SDK1: variants seen among roughly 807,000 people sequenced by gnomAD.
SDK1 encodes sidekick cell adhesion molecule 1.
In SDK1, 157 loss-of-function variants were observed where a neutral mutation model predicts 245.5. The observed-to-expected ratio is 0.64, with a 90% CI of 0.56 to 0.73. The LOEUF (loss-of-function observed/expected upper bound fraction) is 0.73. Ranked by LOEUF, SDK1 falls within the 30% of genes least tolerant of loss-of-function variation. The pLI is 0.00. For missense variants in SDK1, 3,583 were observed against 3,002.3 expected (o/e 1.19, Z -4.52); for synonymous variants, 1,647 against 1,278.5 (o/e 1.29, Z -6.15).
chr7:4,150,872 C>T (rs1224871032), intron 30 of SDK1, among the ~76,000 whole-genome samples: 2 of 152,204 alleles, frequency 1.3e-5, no homozygotes, highest in Non-Finnish European at 2.9e-5. Flanking sequence ...AGCACTTGCC[C>T]AGGGAGGGGT....
chr7:4,101,188 A>G (rs917887789), intron 22 of SDK1, among the ~76,000 whole-genome samples: 24 of 147,186 alleles, frequency 1.6e-4, no homozygotes, highest in Middle Eastern at 3.5e-3. Flanking sequence ...TCGCTCTGTC[A>G]CCCAGGCTGG....
chr7:3,756,969 C>T (rs1267320643), intron 4 of SDK1, among the ~76,000 whole-genome samples: 1 of 152,094 alleles, frequency 6.6e-6, no homozygotes, highest in Non-Finnish European at 1.5e-5. Flanking sequence ...TATAAAGTTA[C>T]CATTTTTTTT....
chr7:3,334,140 G>A (rs971482234), intron 1 of SDK1, among the ~76,000 whole-genome samples: 2 of 152,190 alleles, frequency 1.3e-5, no homozygotes, highest in African/African-American at 4.8e-5. Flanking sequence ...ACCCCAATGT[G>A]GTTTTTCAGC....
intron 4 of SDK1, among the ~76,000 whole-genome samples, chr7:3,803,315 C>CTT (rs60469408): frequency 0.018 from 2,103 of 119,832 alleles, 45 homozygotes; most frequent in African/African-American, 0.054. Flanking sequence ...TTCTTTCTTT[C>CTT]TTTTTTTTTT....
chr7:3,949,849 G>A (rs1780728428), intron 5 of SDK1, among the ~76,000 whole-genome samples: 2 of 152,138 alleles, frequency 1.3e-5, no homozygotes, highest in Non-Finnish European at 2.9e-5. Flanking sequence ...AAGGAAAAAA[G>A]GATTGAAACT....
At chr7:3,903,163 GAGAC>G (rs1203480619) in intron 5 of SDK1, among the ~76,000 whole-genome samples, 2 of 87,796 alleles carry the variant, frequency 2.3e-5, no homozygotes, top group African/African-American at 4.9e-5. Flanking sequence ...TTTTTTTTTT[GAGAC>G]AGACGAGACT....
At chr7:3,450,881 G>A (rs1195708494) in intron 1 of SDK1, among the ~76,000 whole-genome samples, 3 of 152,166 alleles carry the variant, frequency 2.0e-5, no homozygotes, top group Non-Finnish European at 2.9e-5. Context: ...GAGAAGGAAT[G>A]GCAGGAGACA....
At chr7:3,817,728 C>G (rs993007360) in intron 4 of SDK1, among the ~76,000 whole-genome samples, 1 of 152,170 alleles carries the variant, frequency 6.6e-6, no homozygotes, top group African/African-American at 2.4e-5. Flanking sequence ...GCCATCATCT[C>G]AATGCAGGTG....
At chr7:3,771,183 T>A (rs147245528) in intron 4 of SDK1, among the ~76,000 whole-genome samples, 1 of 152,100 alleles carries the variant, frequency 6.6e-6, no homozygotes, top group Non-Finnish European at 1.5e-5. Context: ...CTCTCTGTGG[T>A]CTCTGATTCT....
chr7:3,593,437 C>G (rs1195254303), intron 1 of SDK1, among the ~76,000 whole-genome samples: 6 of 152,268 alleles, frequency 3.9e-5, no homozygotes, highest in African/African-American at 1.4e-4. Context: ...ACTCAAAGAC[C>G]TTGGTGGTTT....
intron 13 of SDK1, among the ~76,000 whole-genome samples, chr7:3,978,391 A>G (rs1783135392): frequency 6.6e-6 from 1 of 152,214 alleles, no homozygotes; most frequent in Non-Finnish European, 1.5e-5. Context: ...ATGTTGCTGT[A>G]TGTATAAAAT....
intron 1 of SDK1, among the ~76,000 whole-genome samples, chr7:3,447,034 T>C (rs1780362152): frequency 6.6e-6 from 1 of 152,196 alleles, no homozygotes; most frequent in Non-Finnish European, 1.5e-5. Context: ...AGGTTTCTAT[T>C]TTTGTGCAAG....
At chr7:3,341,612 C>T (rs1244395290) in intron 1 of SDK1, among the ~76,000 whole-genome samples, 1 of 152,160 alleles carries the variant, frequency 6.6e-6, no homozygotes, top group Non-Finnish European at 1.5e-5. Flanking sequence ...ATAGTTGCTG[C>T]ATACAGGATC....
At chr7:3,370,723 T>A (rs1781206785) in intron 1 of SDK1, among the ~76,000 whole-genome samples, 1 of 152,238 alleles carries the variant, frequency 6.6e-6, no homozygotes, top group Non-Finnish European at 1.5e-5. Context: ...ACATGTTCTA[T>A]TCTCTGAACT....
In SDK1 at chr7:3,837,850, C is replaced by T. The variant is rs557499471; in HGVS notation, c.847+16267C>T. 1.1e-4 allele frequency among the ~76,000 whole-genome samples: 16 copies of T among 152,294 alleles called. No individual in the cohort carries two copies. The East Asian group carries it at 2.5e-3, about 24-fold the overall frequency. On this transcript the variant is annotated intron_variant, in intron 5 of 44. Coordinates refer to ENST00000404826, the MANE Select transcript of SDK1 (RefSeq NM_152744.4). ...TGAGCAGGACAGTTTTATAAAAATG[C>T]ATAGCATTTTGCATACAAAAGGGAT...
intron 1 of SDK1, among the ~76,000 whole-genome samples, chr7:3,447,388 T>A (rs1780371761): frequency 6.6e-6 from 1 of 151,938 alleles, no homozygotes; most frequent in African/African-American, 2.4e-5. Context: ...GTGTATCTCT[T>A]CATACTCTTC....
At chr7:3,874,950 G>C (rs1781039065) in intron 5 of SDK1, among the ~76,000 whole-genome samples, 1 of 152,120 alleles carries the variant, frequency 6.6e-6, no homozygotes, top group Admixed American at 6.5e-5. Flanking sequence ...TTCTCATTGA[G>C]CTGCCCTGAG....
chr7:3,401,925 A>G (rs567821764), intron 1 of SDK1, among the ~76,000 whole-genome samples: 2 of 152,220 alleles, frequency 1.3e-5, no homozygotes, highest in East Asian at 3.9e-4. Flanking sequence ...AGTTTATATC[A>G]TGTTCTTACG....
intron 2 of SDK1, among the ~76,000 whole-genome samples, chr7:3,633,599 A>AT (rs1228462529): frequency 1.3e-5 from 2 of 151,658 alleles, no homozygotes; most frequent in South Asian, 4.2e-4. Flanking sequence ...TTTTTTGTTT[A>AT]TTTTTTCTTT....
Sources: allele counts gnomAD v4.1 joint callset (sites outside exome capture counted in the v4.1 genomes callset), GRCh38; gene constraint gnomAD v4.1.1; transcripts MANE v1.5; gene names NCBI Gene and HGNC (gene_info 2026-07-23, HGNC 2026-07-21).